ROBO1: variants seen among roughly 807,000 people sequenced by gnomAD.
ROBO1 encodes the protein roundabout homolog 1.
In ROBO1, 149 loss-of-function variants were observed where a neutral mutation model predicts 195.9. The observed-to-expected ratio is 0.76, with a 90% CI of 0.67 to 0.87. The LOEUF is 0.87. ROBO1 is among the 40% of genes least tolerant of loss of function. The probability of loss-of-function intolerance (pLI) is 0.00; values close to 1 mark genes in which losing one functional copy is unlikely to be tolerated. For missense variants in ROBO1, 1,933 were observed against 2,068.3 expected (o/e 0.93, Z 1.27); for synonymous variants, 816 against 733.2 (o/e 1.11, Z -1.82).
chr3:79,497,375 A>T (rs1939804156), intron 2 of ROBO1, among the ~76,000 whole-genome samples: 1 of 152,192 alleles, frequency 6.6e-6, no homozygotes. Context: ...ATACTTTAAA[A>T]CACATATGAA....
At chr3:79,638,073 C>A (rs2108055557) in intron 1 of ROBO1, among the ~76,000 whole-genome samples, 1 of 152,232 alleles carries the variant, frequency 6.6e-6, no homozygotes, top group East Asian at 1.9e-4. Context: ...CACTTAAAAA[C>A]TTCAGAAAGT....
At chr3:78,974,951 T>G (rs548169105) in intron 3 of ROBO1, among the ~76,000 whole-genome samples, 134 of 152,134 alleles carry the variant, frequency 8.8e-4, no homozygotes, top group Non-Finnish European at 1.7e-3. Context: ...CTAAAACTAG[T>G]GTTCAATAAT....
intron 2 of ROBO1, among the ~76,000 whole-genome samples, chr3:79,472,544 T>G (rs1470423949): frequency 2.0e-5 from 3 of 152,094 alleles, no homozygotes; most frequent in East Asian, 3.9e-4. Context: ...AGAGAAGAGG[T>G]ACTACTTTGG....
chr3:79,477,444 T>C (rs571469062), intron 2 of ROBO1, among the ~76,000 whole-genome samples: 1 of 152,168 alleles, frequency 6.6e-6, no homozygotes, highest in African/African-American at 2.4e-5. Context: ...GGGTAAACAG[T>C]AAGTCCTTGA....
intron 2 of ROBO1, among the ~76,000 whole-genome samples, chr3:79,523,161 C>CCA (rs139825740): frequency 0.053 from 7,763 of 146,306 alleles, 243 homozygotes; most frequent in East Asian, 0.11. Flanking sequence ...GCTTCATAAA[C>CCA]CACACACACA....
chr3:79,082,077 T>TAA (rs2079284808), intron 3 of ROBO1, among the ~76,000 whole-genome samples: 1 of 152,176 alleles, frequency 6.6e-6, no homozygotes, highest in South Asian at 2.1e-4. Flanking sequence ...AAGCTAACTT[T>TAA]AAAGTGTCCT....
chr3:79,186,051 G>A (rs1295843846), intron 2 of ROBO1, among the ~76,000 whole-genome samples: 5 of 151,974 alleles, frequency 3.3e-5, no homozygotes, highest in Non-Finnish European at 5.9e-5. Context: ...AGGAATACAA[G>A]AGCCAAAGAC....
intron 2 of ROBO1, among the ~76,000 whole-genome samples, chr3:79,155,830 A>G (rs2108649696): frequency 6.6e-6 from 1 of 151,832 alleles, no homozygotes; most frequent in Admixed American, 6.6e-5. Context: ...GACTTACAAA[A>G]ATAATTTACT....
intron 1 of ROBO1, among the ~76,000 whole-genome samples, chr3:79,656,319 A>T (rs73849402): frequency 0.012 from 1,767 of 152,062 alleles, 31 homozygotes; most frequent in African/African-American, 0.041. Context: ...TAATGAAATT[A>T]CTACCCATTG....
chr3:79,456,765 T>A (rs906896272), intron 2 of ROBO1, among the ~76,000 whole-genome samples: 4 of 152,162 alleles, frequency 2.6e-5, no homozygotes, highest in Admixed American at 1.3e-4. Context: ...TTAGCGACTT[T>A]TAATATAAAT....
intron 4 of ROBO1, among the ~76,000 whole-genome samples, chr3:78,857,082 T>A (rs1003182420): frequency 2.8e-4 from 42 of 152,262 alleles, no homozygotes; most frequent in African/African-American, 9.4e-4. Flanking sequence ...CAATTAGAGC[T>A]CTGATGATAA....
chr3:79,670,784 A>G (rs999400041), intron 1 of ROBO1, among the ~76,000 whole-genome samples: 1 of 151,826 alleles, frequency 6.6e-6, no homozygotes, highest in Non-Finnish European at 1.5e-5. Context: ...AAGTGTAAAG[A>G]AGAGATAAAC....
intron 1 of ROBO1, among the ~76,000 whole-genome samples, chr3:79,699,442 T>C (rs1947548033): frequency 6.6e-6 from 1 of 151,498 alleles, no homozygotes; most frequent in Non-Finnish European, 1.5e-5. Context: ...ACAATAACAT[T>C]CTAAATCAAA....
chr3:78,770,914 A>T lies in ROBO1; in HGVS notation c.500-24014T>A, dbSNP rs191978223. 2.5e-3 allele frequency among the ~76,000 whole-genome samples: 378 copies of T among 152,186 alleles called. 2 individuals carry two copies. The highest frequency in any genetic ancestry group is 8.0e-3 in the African/African-American group (332 of 41,506). On this transcript the variant is annotated intron_variant, in intron 4 of 30. Coordinates refer to ENST00000464233, the MANE Select transcript of ROBO1 (RefSeq NM_002941.4). ...ACCTTGTCTCTATAAATAATAATAA[A>T]AAAAATAGCTGGGAATGTTGCTTCC... is the stretch of plus-strand genomic sequence containing the variant.
At chr3:78,620,698 A>G (rs1704400555) in intron 26 of ROBO1, among the ~76,000 whole-genome samples, 1 of 152,126 alleles carries the variant, frequency 6.6e-6, no homozygotes, top group South Asian at 2.1e-4. Flanking sequence ...TAATTCAATA[A>G]CTTTTTGAGT....
intron 4 of ROBO1, among the ~76,000 whole-genome samples, chr3:78,910,707 T>C (rs1273781305): frequency 1.3e-5 from 2 of 152,000 alleles, no homozygotes; most frequent in Admixed American, 6.6e-5. Context: ...TACAATGATT[T>C]GCTCAAATGC....
chr3:79,237,088 C>CA (rs1299112250), intron 2 of ROBO1, among the ~76,000 whole-genome samples: 41 of 152,038 alleles, frequency 2.7e-4, no homozygotes, highest in Non-Finnish European at 5.0e-4. Flanking sequence ...CTGCCATTAA[C>CA]AAAAAACAAG....
chr3:79,710,009 C>T (rs372256161), intron 1 of ROBO1, among the ~76,000 whole-genome samples: 1 of 152,068 alleles, frequency 6.6e-6, no homozygotes, highest in South Asian at 2.1e-4. Flanking sequence ...TTATAAGCCA[C>T]CCAGTCTATG....
chr3:79,332,527 A>T (rs576826954), intron 2 of ROBO1, among the ~76,000 whole-genome samples: 3 of 152,312 alleles, frequency 2.0e-5, no homozygotes, highest in Non-Finnish European at 4.4e-5. Flanking sequence ...ACACAGTTTG[A>T]GGATGTATCT....
Sources: gnomAD v4.1 joint callset for allele counts (sites outside exome capture counted in the v4.1 genomes callset) on GRCh38, gnomAD v4.1.1 for gene constraint, MANE v1.5 for transcripts, NCBI Gene and HGNC (gene_info 2026-07-23, HGNC 2026-07-21) for gene names.